The following CALD1 variants were observed in gnomAD, a reference collection of about 807,000 sequenced individuals.
CALD1 encodes the protein caldesmon 1.
CALD1 carries 33 observed loss-of-function variants against 99.9 expected under a neutral mutation model. That is an observed-to-expected ratio of 0.33 (90% CI 0.25 to 0.44). CALD1 has a LOEUF of 0.44. Ranked by LOEUF, CALD1 falls within the 20% of genes least tolerant of loss-of-function variation. CALD1 has a pLI of 1.00. For synonymous variants in CALD1, 310 were observed against 325.0 expected, an observed-to-expected ratio of 0.95 and a Z score of 0.50; for missense variants, 861 against 962.1, an observed-to-expected ratio of 0.89 and a Z score of 1.39.
At position 134,933,305 on chromosome 7, in the gene CALD1, A is replaced by G. The variant is rs1466778281; in HGVS notation, c.536A>G (p.Asp179Gly). Reference protein sequence around the residue: ...TKSYQKNDWRDAEENKKEDKE... With the variant: ...TKSYQKNDWRGAEENKKEDKE... ...TCCTACCAGAAGAATGATTGGAGGG[A>G]TGCTGAAGAAAACAAGAAAGAAGAC... is the stretch of plus-strand genomic sequence containing the variant. The change falls in exon 5 of 15, where the codon GAT becomes GGT. Residue 179 changes from aspartate to glycine, a missense_variant. Around this residue, in one of 5 missense-constraint regions of CALD1, gnomAD observed 234 missense variants for 233.1 expected, o/e 1.00. Coordinates refer to ENST00000361675, the MANE Select transcript of CALD1 (RefSeq NM_033138.4). 3.1e-6 allele frequency: 5 copies of G among 1,604,548 alleles called. No homozygotes were observed. In the Admixed American group the frequency reaches 8.4e-5, roughly 27 times the overall value.
chr7:134,883,020 A>T (rs1354115913), intron 3 of CALD1, among the ~76,000 whole-genome samples: 2 of 152,240 alleles, frequency 1.3e-5, no homozygotes, highest in Admixed American at 1.3e-4. Context: ...TCTTCATCAT[A>T]AAATATACCC....
intron 2 of CALD1, among the ~76,000 whole-genome samples, chr7:134,846,990 A>C (rs1002412254): frequency 6.6e-6 from 1 of 152,232 alleles, no homozygotes; most frequent in Non-Finnish European, 1.5e-5. Context: ...GGGGTGTTCC[A>C]ATGAATGATG....
At chr7:134,847,219 GAAGCT>G (rs1255214762) in intron 2 of CALD1, among the ~76,000 whole-genome samples, 1 of 152,208 alleles carries the variant, frequency 6.6e-6, no homozygotes, top group Non-Finnish European at 1.5e-5. Flanking sequence ...AGTGGAAAGA[GAAGCT>G]TGGGTTTTTA....
the CALD1 span, among the ~76,000 whole-genome samples, chr7:134,727,270 G>C: frequency 2.0e-5 from 3 of 152,210 alleles, no homozygotes; most frequent in Admixed American, 1.3e-4. Flanking sequence ...ATGTTAGTGA[G>C]AGCCATGTGC....
intron 6 of CALD1, among the ~76,000 whole-genome samples, chr7:134,936,714 T>A (rs1340572839): frequency 6.6e-6 from 1 of 152,194 alleles, no homozygotes; most frequent in Non-Finnish European, 1.5e-5. Flanking sequence ...CTTAAATACG[T>A]TTTGTCAATT....
At position 134,936,239 on chromosome 7, in the gene CALD1, G is replaced by A. The variant is rs186429176; in HGVS notation, c.1386+474G>A. On this transcript the variant is annotated intron_variant, in intron 6 of 14. Coordinates refer to ENST00000361675, the MANE Select transcript of CALD1 (RefSeq NM_033138.4). Reference sequence around the variant, plus strand: ...CACACATCTCAGTAGAAAATATGGTGAACTGAAGATGATATTTGGTTTTCA... The same window carrying A: ...CACACATCTCAGTAGAAAATATGGTAAACTGAAGATGATATTTGGTTTTCA... 6.6e-5 allele frequency among the ~76,000 whole-genome samples: 10 copies of A among 152,300 alleles called. No homozygotes were observed. The East Asian group carries it at 1.5e-3, about 23-fold the overall frequency.
intron 1 of CALD1, among the ~76,000 whole-genome samples, chr7:134,751,877 T>C (rs1796688626): frequency 6.6e-6 from 1 of 151,992 alleles, no homozygotes; most frequent in Non-Finnish European, 1.5e-5. Context: ...CTTGGGAGGC[T>C]GAGGTGGGAT....
chr7:134,940,248 C>A (rs117728024), intron 6 of CALD1, among the ~76,000 whole-genome samples: 1 of 152,176 alleles, frequency 6.6e-6, no homozygotes, highest in Non-Finnish European at 1.5e-5. Context: ...CCCCCTCCCC[C>A]ACAAAAAGCT....
At chr7:134,790,277 A>G (rs1797476018) in intron 1 of CALD1, among the ~76,000 whole-genome samples, 1 of 152,192 alleles carries the variant, frequency 6.6e-6, no homozygotes, top group Non-Finnish European at 1.5e-5. Flanking sequence ...AAGATAAGCT[A>G]GCTCATTCAG....
At chr7:134,735,563 CTCTGTG>C in the CALD1 span, among the ~76,000 whole-genome samples, 171 of 138,280 alleles carry the variant, frequency 1.2e-3, 1 homozygote, top group East Asian at 3.9e-3. Context: ...CCCCACTACC[CTCTGTG>C]TGTGTGTGTG....
rs771601905 is a variant in CALD1, at chr7:134,933,074, G to T, written c.305G>T (p.Arg102Leu). 1.9e-6 allele frequency: 3 copies of T among 1,613,894 alleles called. No individual in the cohort carries two copies. Among genetic ancestry groups the T allele is most frequent in the Non-Finnish European group, 2.5e-6 (3 of 1,180,008 alleles). Reference sequence around the variant, plus strand: ...GCCGCATTCCTGGAGCGCCTGGCTCGGCGTGAGGAAAGACGCCAAAAACGC... The same window carrying T: ...GCCGCATTCCTGGAGCGCCTGGCTCTGCGTGAGGAAAGACGCCAAAAACGC... ...DEAAFLERLARREERRQKRLQ... is the reference protein window; with the variant it reads ...DEAAFLERLALREERRQKRLQ... Residue 102 changes from arginine to leucine, a missense_variant, in exon 5 of 15, where the codon CGG becomes CTG. Transcript: ENST00000361675.
chr7:134,868,364 A>T (rs1800901619), intron 3 of CALD1: 1 of 152,272 alleles, frequency 6.6e-6, no homozygotes, highest in Non-Finnish European at 1.5e-5. Flanking sequence ...TGAGGCCTCT[A>T]CAGTGGTGGC....
intron 1 of CALD1, among the ~76,000 whole-genome samples, chr7:134,843,277 T>C (rs906267041): frequency 2.0e-5 from 3 of 152,190 alleles, no homozygotes; most frequent in African/African-American, 7.2e-5. Flanking sequence ...CGGGCGTCTA[T>C]TTGAAGTTGC....
chr7:134,868,150 C>A, intron 3 of CALD1: 1 of 168,594 alleles, frequency 5.9e-6, no homozygotes, highest in Non-Finnish European at 1.3e-5. Context: ...AAAAAAATGT[C>A]AAGTATTGAA....
intron 2 of CALD1, among the ~76,000 whole-genome samples, chr7:134,860,385 G>A (rs1005063600): frequency 6.6e-6 from 1 of 152,196 alleles, no homozygotes; most frequent in African/African-American, 2.4e-5. Flanking sequence ...AGAAAGTGCT[G>A]CCAGATTTAC....
chr7:134,711,676 A>ATGTGTGTGTG, the CALD1 span, among the ~76,000 whole-genome samples: 1 of 70,468 alleles, frequency 1.4e-5, no homozygotes, highest in African/African-American at 4.4e-5. Context: ...ATATATATAT[A>ATGTGTGTGTG]TATATGTGTG....
chr7:134,904,758 C>G (rs1313342688), intron 3 of CALD1, among the ~76,000 whole-genome samples: 1 of 152,018 alleles, frequency 6.6e-6, no homozygotes, highest in African/African-American at 2.4e-5. Context: ...GCATCGAGCT[C>G]TGATCCATCA....
intron 6 of CALD1, among the ~76,000 whole-genome samples, chr7:134,940,115 T>A (rs1334747577): frequency 6.6e-6 from 1 of 152,178 alleles, no homozygotes. Context: ...CTGGATTTCT[T>A]TAGAATGCTC....
chr7:134,837,706 T>C (rs965985228), intron 1 of CALD1, among the ~76,000 whole-genome samples: 4 of 152,180 alleles, frequency 2.6e-5, no homozygotes, highest in African/African-American at 9.7e-5. Context: ...ATGCTTGGTA[T>C]GGAGTGATTG....
Sources: gnomAD v4.1 joint callset for allele counts (sites outside exome capture counted in the v4.1 genomes callset) on GRCh38, gnomAD v4.1.1 for gene constraint, gnomAD v4.1.1 regional missense constraint, MANE v1.5 for transcripts, NCBI Gene and HGNC (gene_info 2026-07-23, HGNC 2026-07-21) for gene names.